ADAM12: variants seen among roughly 807,000 people sequenced by gnomAD.
ADAM12 encodes ADAM metallopeptidase domain 12.
Under a neutral mutation model 106.4 loss-of-function variants are expected in ADAM12, and 70 were observed. The observed-to-expected ratio is 0.66, with a 90% CI of 0.54 to 0.80. The LOEUF is 0.80. ADAM12 is among the 30% of genes least tolerant of loss of function. ADAM12 has a pLI of 0.00. For synonymous variants in ADAM12, 420 were observed against 433.5 expected (o/e 0.97, Z 0.39); for missense variants, 1,010 against 1,171.9 (o/e 0.86, Z 2.02).
At chr10:126,383,242 G>A (rs1183993143) in intron 1 of ADAM12, among the ~76,000 whole-genome samples, 1 of 152,118 alleles carries the variant, frequency 6.6e-6, no homozygotes, top group Non-Finnish European at 1.5e-5. Flanking sequence ...TGGAATTACA[G>A]ACATGAGCTA....
intron 3 of ADAM12, among the ~76,000 whole-genome samples, chr10:126,195,896 A>G (rs528602028): frequency 6.6e-5 from 10 of 152,326 alleles, no homozygotes; most frequent in Non-Finnish European, 1.2e-4. Context: ...TGAAAAGCTC[A>G]CTATGTCTGC....
rs1317364731 is a variant in ADAM12, at chr10:126,388,256, C to T, written c.-111G>A. 16 of 1,177,688 alleles carry T rather than the reference C, an allele frequency of 1.4e-5. No individual in the cohort carries two copies. The Middle Eastern group carries it at 1.0e-3, about 76-fold the overall frequency. The allele number at this position is 1,177,688 out of a possible 1,614,324, so 73.0% of individuals were successfully genotyped here. The stretch of plus-strand genomic sequence containing the variant: ...TCGCGACCGGAGGGATTTCCTGCCT[C>T]GGCGAGTCAGCTCCGGAGCCCTCGC... On this transcript the variant is annotated 5_prime_UTR_variant, in exon 1 of 23. Transcript: ENST00000448723. This position sits in a 1 kb window ranked among gnomAD's most constrained non-coding sequence, Gnocchi z 4.4.
intron 3 of ADAM12, among the ~76,000 whole-genome samples, chr10:126,162,922 T>C (rs979935250): frequency 2.6e-5 from 4 of 152,150 alleles, no homozygotes; most frequent in African/African-American, 9.7e-5. Context: ...GTGTTTGGAT[T>C]GTGGGGGCGG....
chr10:126,209,700 C>A (rs1011535914), intron 3 of ADAM12, among the ~76,000 whole-genome samples: 6 of 152,106 alleles, frequency 3.9e-5, no homozygotes, highest in African/African-American at 1.4e-4. Context: ...AAGAGGGTGA[C>A]AAAACAAGGC....
At chr10:126,381,747 C>G (rs944746099) in intron 1 of ADAM12, among the ~76,000 whole-genome samples, 3 of 152,006 alleles carry the variant, frequency 2.0e-5, no homozygotes, top group African/African-American at 4.8e-5. Flanking sequence ...AGTGATCCAT[C>G]TGCTTCGGCC....
chr10:126,385,525 G>A (rs12355374), intron 1 of ADAM12, among the ~76,000 whole-genome samples: 8,683 of 152,128 alleles, frequency 0.057, 339 homozygotes, highest in East Asian at 0.16. Flanking sequence ...AGAAAATAAA[G>A]CAAACAAAAA....
chr10:126,035,664 A>C (rs1360624254), intron 21 of ADAM12, among the ~76,000 whole-genome samples: 2 of 152,168 alleles, frequency 1.3e-5, no homozygotes, highest in Non-Finnish European at 2.9e-5. Flanking sequence ...AACAGCATAA[A>C]AATGAGATGA....
chr10:126,184,475 AT>A (rs1957365663), intron 3 of ADAM12, among the ~76,000 whole-genome samples: 1 of 152,298 alleles, frequency 6.6e-6, no homozygotes, highest in Non-Finnish European at 1.5e-5. Flanking sequence ...TCATTAGTAC[AT>A]TAGTCTTCCA....
intron 1 of ADAM12, among the ~76,000 whole-genome samples, chr10:126,365,994 TGAAA>T (rs1855896203): frequency 6.6e-6 from 1 of 152,212 alleles, no homozygotes; most frequent in African/African-American, 2.4e-5. Flanking sequence ...AGAACAATTC[TGAAA>T]GAATATTATA....
chr10:126,143,462 ATATG>A (rs1956561855), intron 4 of ADAM12, among the ~76,000 whole-genome samples: 3 of 150,080 alleles, frequency 2.0e-5, no homozygotes, highest in Non-Finnish European at 3.0e-5. Flanking sequence ...ATGTGTGTGT[ATATG>A]TATGTGTGTA....
chr10:126,104,119 A>G (rs1006432878), intron 8 of ADAM12, among the ~76,000 whole-genome samples: 17 of 152,350 alleles, frequency 1.1e-4, no homozygotes, highest in Admixed American at 8.5e-4. Flanking sequence ...CAGGAGGAGA[A>G]GAAAACTGTC....
chr10:126,349,931 T>C (rs1855288914), intron 1 of ADAM12, among the ~76,000 whole-genome samples: 1 of 152,236 alleles, frequency 6.6e-6, no homozygotes, highest in African/African-American at 2.4e-5. Context: ...GACAGATTTC[T>C]AGATGGAAAA....
At chr10:126,032,685 A>C (rs879784631) in intron 21 of ADAM12, among the ~76,000 whole-genome samples, 1 of 152,208 alleles carries the variant, frequency 6.6e-6, no homozygotes, top group African/African-American at 2.4e-5. Flanking sequence ...CTCTTTGGCT[A>C]CCTGAAATGT....
intron 1 of ADAM12, among the ~76,000 whole-genome samples, 165 bp downstream of exon 1, chr10:126,387,893 G>A (rs759752589): frequency 7.6e-6 from 1 of 131,862 alleles, no homozygotes; most frequent in African/African-American, 2.6e-5. Context: ...GGCACCTGGG[G>A]GGGGGGGGTC....
At chr10:126,348,052 T>G (rs1001910215) in intron 1 of ADAM12, among the ~76,000 whole-genome samples, 3 of 152,228 alleles carry the variant, frequency 2.0e-5, no homozygotes, top group Non-Finnish European at 4.4e-5. Context: ...GCTTAACCCC[T>G]GGGGCAATTG....
rs1041933544 is a variant in ADAM12, at chr10:126,222,222, C to T, written c.260+56693G>A. On this transcript the variant is annotated intron_variant, in intron 3 of 22. Coordinates refer to ENST00000448723, the MANE Select transcript of ADAM12 (RefSeq NM_001288973.2). ...GCATATTCTGGGTTTCTGCATAAAG[C>T]TTTTGTTTGCAGAGAGGACGCTGGG... 3.9e-5 allele frequency among the ~76,000 whole-genome samples: 6 copies of T among 152,140 alleles called. No individual in the cohort carries two copies. In the Middle Eastern group the frequency reaches 0.01, roughly 259 times the overall value.
chr10:126,351,829 A>G (rs1363765472), intron 1 of ADAM12, among the ~76,000 whole-genome samples: 1 of 152,156 alleles, frequency 6.6e-6, no homozygotes, highest in Admixed American at 6.5e-5. Flanking sequence ...AGTTGGCTTC[A>G]GGGGTTATTT....
At chr10:126,299,080 A>C (rs1054736967) in intron 2 of ADAM12, among the ~76,000 whole-genome samples, 7 of 152,206 alleles carry the variant, frequency 4.6e-5, no homozygotes, top group Admixed American at 1.3e-4. Context: ...ATGAAGCGGT[A>C]AGGTTAACAT....
At chr10:126,297,215 T>C (rs1278772299) in intron 2 of ADAM12, among the ~76,000 whole-genome samples, 1 of 152,122 alleles carries the variant, frequency 6.6e-6, no homozygotes. Context: ...TAATTCACAG[T>C]GAAGTCAGAA....
Sources: allele counts gnomAD v4.1 joint callset (sites outside exome capture counted in the v4.1 genomes callset), GRCh38; gene constraint gnomAD v4.1.1; non-coding constraint Gnocchi (gnomAD v3.1); transcripts MANE v1.5; gene names NCBI Gene and HGNC (gene_info 2026-07-23, HGNC 2026-07-21).